The following HEATR5A variants were observed in gnomAD, a reference collection of about 807,000 sequenced individuals.
The protein encoded by HEATR5A is HEAT repeat containing 5A.
In HEATR5A, 178 loss-of-function variants were observed where a neutral mutation model predicts 218.8. The observed-to-expected ratio is 0.81, with a 90% confidence interval of 0.72 to 0.92. The LOEUF is 0.92. Ranked by LOEUF, HEATR5A falls within the 40% of genes least tolerant of loss-of-function variation. HEATR5A has a pLI of 0.00. For missense variants in HEATR5A, 2,420 were observed against 2,418.9 expected (o/e 1.00, Z -0.01); for synonymous variants, 864 against 871.6 (o/e 0.99, Z 0.15).
intron 16 of HEATR5A, among the ~76,000 whole-genome samples, chr14:31,357,137 AT>A (rs1325972375): frequency 6.6e-6 from 1 of 152,200 alleles, no homozygotes; most frequent in Non-Finnish European, 1.5e-5. Flanking sequence ...TCTTATCACC[AT>A]AACCTTATAG....
chr14:31,315,053 G>A (rs994132754), intron 27 of HEATR5A, among the ~76,000 whole-genome samples: 1 of 152,058 alleles, frequency 6.6e-6, no homozygotes, highest in African/African-American at 2.4e-5. Context: ...CATACCTGTA[G>A]TCCCAGCTAC....
chr14:31,358,814 T>A lies in HEATR5A; in HGVS notation c.2236-2A>T, dbSNP rs1555369395. On this transcript the variant is annotated splice_acceptor_variant, in intron 15 of 35. Transcript: ENST00000543095. LOFTEE classifies it high-confidence loss of function. Reference sequence around the variant, plus strand: ...AGCAACACCATTACCAAGCAGGAGCTAAAAGGGAAAAAAAGTATATAAGGT... The same window carrying A: ...AGCAACACCATTACCAAGCAGGAGCAAAAAGGGAAAAAAAGTATATAAGGT... 2.5e-6 allele frequency: 4 copies of A among 1,609,928 alleles called. No homozygotes were observed. Among genetic ancestry groups the A allele is most frequent in the African/African-American group, 1.3e-5 (1 of 74,598 alleles).
chr14:31,365,442 C>T (rs1341315330), intron 13 of HEATR5A, among the ~76,000 whole-genome samples: 1 of 151,910 alleles, frequency 6.6e-6, no homozygotes, highest in Non-Finnish European at 1.5e-5. Context: ...CTCACTGCAA[C>T]CTCCGCCTCC....
At chr14:31,389,205 G>A (rs2030354113) in intron 6 of HEATR5A, among the ~76,000 whole-genome samples, 200 bp from the exon 7 acceptor site, 1 of 152,176 alleles carries the variant, frequency 6.6e-6, no homozygotes, top group Admixed American at 6.5e-5. Flanking sequence ...ACCCTGAAGT[G>A]CATGTCAAAA....
At chr14:31,317,974 A>T (rs1899965317) in intron 26 of HEATR5A, among the ~76,000 whole-genome samples, 1 of 152,200 alleles carries the variant, frequency 6.6e-6, no homozygotes, top group Non-Finnish European at 1.5e-5. Context: ...GGTCACTCAT[A>T]CAGCACTATT....
chr14:31,387,781 C>T (rs778662156), intron 7 of HEATR5A, among the ~76,000 whole-genome samples: 18 of 152,104 alleles, frequency 1.2e-4, no homozygotes, highest in African/African-American at 1.9e-4. Context: ...AGGATGGTCT[C>T]GATCTCCTGA....
At chr14:31,391,077 A>T (rs936638946) in intron 6 of HEATR5A, among the ~76,000 whole-genome samples, 5 of 152,184 alleles carry the variant, frequency 3.3e-5, no homozygotes, top group African/African-American at 1.2e-4. Flanking sequence ...TTTTTTTAAT[A>T]GAAAAAAGCT....
chr14:31,363,661 G>A (rs957196643), intron 14 of HEATR5A, among the ~76,000 whole-genome samples: 1 of 150,432 alleles, frequency 6.6e-6, no homozygotes, highest in Non-Finnish European at 1.5e-5. Flanking sequence ...CACAGTGCCT[G>A]GCCTTAAGAA....
chr14:31,299,396 G>A (rs1899291292), intron 33 of HEATR5A, among the ~76,000 whole-genome samples: 1 of 152,078 alleles, frequency 6.6e-6, no homozygotes. Context: ...CTTTAGAAAC[G>A]CAAATCCAAG....
Position 31,295,918 on chromosome 14 carries a change from T to G in HEATR5A, c.5610A>C (p.Lys1870Asn). ...GCTAAAAGACACTTACCACAGGATC[T>G]TTTATCTCAAGAGTAGCTTTAAATT... ...IDKFKATLEI[K>N]DPVVQIKTYQ... The change falls in exon 34 of 36, where the codon AAA becomes AAC. Residue 1870 changes from lysine to asparagine, a missense_variant. Physicochemically the swap from Lys to Asn is moderately conservative, Grantham distance 94. Transcript: ENST00000543095. 1 of 1,613,522 alleles carries G rather than the reference T, an allele frequency of 6.2e-7. No homozygotes were observed. Among genetic ancestry groups the G allele is most frequent in the South Asian group, 1.1e-5 (1 of 91,018 alleles).
intron 1 of HEATR5A, among the ~76,000 whole-genome samples, chr14:31,404,933 C>T (rs1041496156): frequency 4.6e-5 from 7 of 151,218 alleles, no homozygotes; most frequent in African/African-American, 1.5e-4. Flanking sequence ...AAGAAAAAAT[C>T]TGGGTCCAGT....
intron 18 of HEATR5A, 95 bp downstream of exon 18, chr14:31,349,694 T>A: frequency 1.3e-6 from 1 of 770,540 alleles, no homozygotes; most frequent in Non-Finnish European, 2.1e-6. Flanking sequence ...CTTAGTTAAA[T>A]CTCAGAATGA....
chr14:31,292,918 T>C lies in HEATR5A; in HGVS notation c.*387A>G, dbSNP rs1292619020. ...TAAATCAGCAATTGGGATACAATAT[T>C]AGTGCAGATAATTTACACTAGAGTC... On this transcript the variant is annotated 3_prime_UTR_variant, in exon 36 of 36. Coordinates refer to ENST00000543095, the MANE Select transcript of HEATR5A (RefSeq NM_015473.4). 1 of 160,242 alleles carries C rather than the reference T, an allele frequency of 6.2e-6. No individual in the cohort carries two copies. The highest frequency in any genetic ancestry group is 1.4e-5 in the Non-Finnish European group (1 of 73,204). 9.9% of individuals were successfully genotyped at this position (160,242 alleles called of 1,614,324 possible).
chr14:31,362,606 C>CAAAAAAAA (rs71115003), intron 14 of HEATR5A, among the ~76,000 whole-genome samples: 162 of 44,746 alleles, frequency 3.6e-3, no homozygotes, highest in South Asian at 4.0e-3. Context: ...CTACAAATGA[C>CAAAAAAAA]AAAAAAAAAA....
At chr14:31,414,480 G>C (rs1416647025) in intron 1 of HEATR5A, among the ~76,000 whole-genome samples, 2 of 152,184 alleles carry the variant, frequency 1.3e-5, no homozygotes, top group Non-Finnish European at 2.9e-5. Flanking sequence ...TGATGAAAGA[G>C]ACAAATAATA....
chr14:31,337,704 T>G, intron 21 of HEATR5A, 90 bp from the exon 22 acceptor site: 1 of 1,128,330 alleles, frequency 8.9e-7, no homozygotes, highest in Non-Finnish European at 1.3e-6. Flanking sequence ...CCTTCCTGAT[T>G]CTGTCCAGCC....
At chr14:31,340,405 C>T (rs1286997273) in intron 21 of HEATR5A, 14 of 1,235,326 alleles carry the variant, frequency 1.1e-5, no homozygotes, top group African/African-American at 1.6e-5. Context: ...AGAAACAGCA[C>T]CGCAAAACTC....
Position 31,337,051 on chromosome 14 carries a change from C to G in HEATR5A, c.3367+425G>C, listed in dbSNP as rs183704609. Among the ~76,000 whole-genome samples the G allele has an allele frequency of 2.5e-3, 384 of 152,266 alleles. 2 individuals carry two copies. The highest frequency in any genetic ancestry group is 0.01 in the Middle Eastern group (3 of 294). On this transcript the variant is annotated intron_variant, in intron 22 of 35. Coordinates refer to ENST00000543095, the MANE Select transcript of HEATR5A (RefSeq NM_015473.4). ...TGTGTATCAAAACATAGAAAAAGTA[C>G]AGTGAAGATATGGTATTATAATCTT... is the stretch of plus-strand genomic sequence containing the variant.
In HEATR5A at chr14:31,302,515, G is replaced by A; in HGVS notation, c.5244C>T (p.Ser1748=). 1 of 1,557,940 alleles carries A rather than the reference G, an allele frequency of 6.4e-7. No individual in the cohort carries two copies. The highest frequency in any genetic ancestry group is 1.9e-5 in the Admixed American group (1 of 53,138). Reference sequence around the variant, plus strand: ...ACAATATAGTAGGGAGAATTGAGATGCTTCCTGTAAGATACATTTTTTAAA... The same window carrying A: ...ACAATATAGTAGGGAGAATTGAGATACTTCCTGTAAGATACATTTTTTAAA... The part of the protein sequence containing the change: ...ELPAVCSPEG[S]ISILPTILYL... The change falls in exon 33 of 36, where the codon AGC becomes AGT. Residue 1748 remains serine, a synonymous_variant. Transcript: ENST00000543095.
Sources: allele counts gnomAD v4.1 joint callset (sites outside exome capture counted in the v4.1 genomes callset), GRCh38; gene constraint gnomAD v4.1.1; transcripts MANE v1.5; gene names NCBI Gene and HGNC (gene_info 2026-07-23, HGNC 2026-07-21).